The following SCN10A variants were observed in gnomAD, a reference collection of about 807,000 sequenced individuals.
SCN10A encodes sodium voltage-gated channel alpha subunit 10.
A neutral mutation model predicts 170.7 loss-of-function variants in SCN10A; 162 were observed. The observed-to-expected ratio is 0.95, with a 90% CI of 0.84 to 1.08. The LOEUF is 1.08. Ranked by LOEUF, SCN10A falls within the 50% of genes least tolerant of loss-of-function variation. The pLI, the probability that SCN10A is intolerant of heterozygous loss-of-function variation, is 0.00. For synonymous variants in SCN10A, 985 were observed against 904.6 expected, an observed-to-expected ratio of 1.09 and a Z score of -1.59; for missense variants, 2,527 against 2,436.9, an observed-to-expected ratio of 1.04 and a Z score of -0.78.
Position 38,698,392 on chromosome 3 carries a change from T to C in SCN10A, c.4828A>G (p.Ile1610Val), listed in dbSNP as rs900001171. 13 of 1,614,136 alleles carry C rather than the reference T, an allele frequency of 8.1e-6. No individual in the cohort carries two copies. The highest frequency in any genetic ancestry group is 1.1e-5 in the Non-Finnish European group (13 of 1,180,032). ...ATGACAAGGAATAGCAACAGCCCGA[T>C]GTTGAAGAGGGCAGGCAGGGACATC... Reference protein sequence around the residue: ...LMMSLPALFNIGLLLFLVMFI... With the variant: ...LMMSLPALFNVGLLLFLVMFI... Residue 1610 changes from isoleucine to valine, a missense_variant, in exon 28 of 28, where the codon ATC becomes GTC. Physicochemically the swap from Ile to Val is conservative, Grantham distance 29. Coordinates refer to ENST00000449082, the MANE Select transcript of SCN10A (RefSeq NM_006514.4).
chr3:38,815,893 G>A (rs1333037847), intron 1 of SCN10A, 144 bp downstream of exon 1: 1 of 152,146 alleles, frequency 6.6e-6, no homozygotes, highest in African/African-American at 2.4e-5. Flanking sequence ...AACTATGGGT[G>A]TTTGAGGAAG....
At chr3:38,719,729 C>A (rs892332020) in intron 20 of SCN10A, among the ~76,000 whole-genome samples, 59 of 152,296 alleles carry the variant, frequency 3.9e-4, no homozygotes, top group Admixed American at 5.9e-4. Flanking sequence ...AAAACCTGGC[C>A]AGTCCTGTGT....
In SCN10A at chr3:38,726,615, G is replaced by C; in HGVS notation, c.3078C>G (p.Pro1026=). 1.9e-6 allele frequency: 3 copies of C among 1,585,082 alleles called. No individual in the cohort carries two copies. The highest frequency in any genetic ancestry group is 1.7e-6 in the Non-Finnish European group (2 of 1,159,978). ...TGGGGATAACTCTTACCTGTCCTTT[G>C]GGGATCACTTCCTGCTGGAAGCTCT... The part of the protein sequence containing the change: ...DAQSFQQEVI[P]KGQQEQLQQV... The change falls in exon 17 of 28, where the codon CCC becomes CCG. Residue 1026 remains proline, a synonymous_variant. Transcript: ENST00000449082.
intron 14 of SCN10A, among the ~76,000 whole-genome samples, chr3:38,741,145 G>T: frequency 6.6e-6 from 1 of 152,114 alleles, no homozygotes; most frequent in East Asian, 1.9e-4. Context: ...ACCTAAGTCT[G>T]CAGCCTATAA....
chr3:38,742,368 C>A lies in SCN10A; in HGVS notation c.2029G>T (p.Val677Leu). ...AELTITLCIV[V>L]NTIFMAMEHH... is the part of the protein sequence containing the mutation. ...TCCATGGCCATGAAGATGGTGTTCA[C>A]CACGATGCACAAGGTGATGGTGAGC... Residue 677 changes from valine (V) to leucine (L), a missense_variant, in exon 14 of 28, where the codon GTG becomes TTG. Coordinates refer to ENST00000449082, the MANE Select transcript of SCN10A (RefSeq NM_006514.4). 1 of 1,614,174 alleles carries A rather than the reference C, an allele frequency of 6.2e-7. No homozygotes were observed. Among genetic ancestry groups the A allele is most frequent in the Non-Finnish European group, 8.5e-7 (1 of 1,180,032 alleles).
At chr3:38,717,247 A>G (rs1212559881) in intron 21 of SCN10A, among the ~76,000 whole-genome samples, 1 of 152,152 alleles carries the variant, frequency 6.6e-6, no homozygotes, top group Non-Finnish European at 1.5e-5. Flanking sequence ...AGATGGATGG[A>G]TGTTTGGGAG....
chr3:38,792,363 C>T (rs2064293829), intron 2 of SCN10A, among the ~76,000 whole-genome samples, 195 bp from the exon 3 acceptor site: 1 of 152,130 alleles, frequency 6.6e-6, no homozygotes, highest in Non-Finnish European at 1.5e-5. Flanking sequence ...TCCTCACCCT[C>T]TCAGCAAGAT....
chr3:38,707,047 A>G (rs1450070839), intron 26 of SCN10A, among the ~76,000 whole-genome samples: 1 of 152,178 alleles, frequency 6.6e-6, no homozygotes, highest in Non-Finnish European at 1.5e-5. Flanking sequence ...GCTTCCCCCA[A>G]CAGATTCATT....
intron 4 of SCN10A, among the ~76,000 whole-genome samples, chr3:38,779,624 A>G (rs966052338): frequency 6.6e-6 from 1 of 151,914 alleles, no homozygotes; most frequent in African/African-American, 2.4e-5. Context: ...TTTTACTGAT[A>G]TAAATATTCT....
At chr3:38,782,800 A>AT (rs1426336444) in intron 4 of SCN10A, among the ~76,000 whole-genome samples, 4 of 152,086 alleles carry the variant, frequency 2.6e-5, no homozygotes, top group African/African-American at 9.7e-5. Flanking sequence ...TTGGGTTTTT[A>AT]TTATGATATG....
At chr3:38,748,881 C>A (rs1241427538) in intron 13 of SCN10A, among the ~76,000 whole-genome samples, 1 of 152,204 alleles carries the variant, frequency 6.6e-6, no homozygotes, top group Non-Finnish European at 1.5e-5. Flanking sequence ...GTCTATCCTA[C>A]CCCAAGATAC....
intron 13 of SCN10A, among the ~76,000 whole-genome samples, chr3:38,744,372 C>A (rs753976053): frequency 5.3e-5 from 8 of 151,542 alleles, no homozygotes; most frequent in Non-Finnish European, 1.0e-4. Context: ...ACTGTGTGCC[C>A]CCAAATTTTG....
In SCN10A at chr3:38,702,010, C is replaced by T. The variant is rs1203792114; in HGVS notation, c.4486G>A (p.Glu1496Lys). 1.9e-6 allele frequency: 3 copies of T among 1,613,854 alleles called. No individual in the cohort carries two copies. Among genetic ancestry groups the T allele is most frequent in the African/African-American group, 2.7e-5 (2 of 74,928 alleles). Residue 1496 changes from glutamate to lysine, a missense_variant, in exon 27 of 28, where the codon GAG becomes AAG. By Grantham distance (56) the Glu-to-Lys change is moderately conservative. Transcript: ENST00000449082. ...TTTTCTTCACTTTGGTCATCAGTCT[C>T]CACCATCATGGTGATCATGTTGAGG... ...ICLNMITMMV[E>K]TDDQSEEKTK...
At chr3:38,812,373 A>C (rs545162744) in intron 1 of SCN10A, among the ~76,000 whole-genome samples, 3 of 152,182 alleles carry the variant, frequency 2.0e-5, no homozygotes, top group African/African-American at 7.2e-5. Context: ...CAATGTTCTT[A>C]TCTCTTCTGC....
At chr3:38,805,590 G>A (rs957580189) in intron 1 of SCN10A, among the ~76,000 whole-genome samples, 1 of 152,094 alleles carries the variant, frequency 6.6e-6, no homozygotes, top group Non-Finnish European at 1.5e-5. Context: ...CATCTGATGG[G>A]AGCAACAGGA....
At chr3:38,707,411 A>G in intron 25 of SCN10A, 28 bp from the exon 26 acceptor site, 1 of 1,611,826 alleles carries the variant, frequency 6.2e-7, no homozygotes, top group African/African-American at 1.3e-5. Context: ...CTGTTACTAA[A>G]GCAAGAGGAA....
At chr3:38,722,144 T>A in intron 20 of SCN10A, 114 bp downstream of exon 20, 1 of 1,017,616 alleles carries the variant, frequency 9.8e-7, no homozygotes, top group Non-Finnish European at 1.4e-6. Context: ...GTGACAAGGT[T>A]GGGGACTTTC....
intron 1 of SCN10A, among the ~76,000 whole-genome samples, chr3:38,799,541 T>C (rs2064359249): frequency 6.6e-6 from 1 of 152,214 alleles, no homozygotes; most frequent in African/African-American, 2.4e-5. Flanking sequence ...ACAGCCAATC[T>C]TGAACGTGGC....
At chr3:38,799,338 A>G (rs1274817039) in intron 1 of SCN10A, among the ~76,000 whole-genome samples, 4 of 152,186 alleles carry the variant, frequency 2.6e-5, no homozygotes, top group African/African-American at 4.8e-5. Flanking sequence ...GTATTGGCTC[A>G]GAGCCTTCAG....
Sources: allele counts gnomAD v4.1 joint callset (sites outside exome capture counted in the v4.1 genomes callset), GRCh38; gene constraint gnomAD v4.1.1; transcripts MANE v1.5; gene names NCBI Gene and HGNC (gene_info 2026-07-23, HGNC 2026-07-21).